AP5Z1: variants seen among roughly 807,000 people sequenced by gnomAD.
AP5Z1 encodes adaptor related protein complex 5 subunit zeta 1.
A neutral mutation model predicts 83.0 loss-of-function variants in AP5Z1; 106 were observed. The observed-to-expected ratio is 1.28, with a 90% CI of 1.09 to 1.50. The LOEUF (loss-of-function observed/expected upper bound fraction) is 1.50. Among genes scored for constraint, AP5Z1 ranks in the 40% most tolerant of loss-of-function variants. The pLI, the probability that AP5Z1 is intolerant of heterozygous loss-of-function variation, is 0.00. For missense variants in AP5Z1, 1,565 were observed against 1,094.2 expected, an observed-to-expected ratio of 1.43 and a Z score of -6.07; for synonymous variants, 751 against 514.1, an observed-to-expected ratio of 1.46 and a Z score of -6.23.
chr7:4,775,639 T>G lies in AP5Z1; in HGVS notation c.-77T>G. On this transcript the variant is annotated 5_prime_UTR_variant, in exon 1 of 17. Coordinates refer to ENST00000649063, the MANE Select transcript of AP5Z1 (RefSeq NM_014855.3). Reference sequence around the variant, plus strand: ...CGCTCACGTGACGCGGTCCCGGAAGTTGACCGGGGTGCGGAGCTCCTGGGC... The same window carrying G: ...CGCTCACGTGACGCGGTCCCGGAAGGTGACCGGGGTGCGGAGCTCCTGGGC... 6.3e-7 allele frequency: 1 copy of G among 1,586,470 alleles called. No homozygotes were observed. Among genetic ancestry groups the G allele is most frequent in the Non-Finnish European group, 8.5e-7 (1 of 1,169,736 alleles).
chr7:4,779,186 A>G (rs1413412103), intron 1 of AP5Z1, among the ~76,000 whole-genome samples: 2 of 147,048 alleles, frequency 1.4e-5, no homozygotes, highest in African/African-American at 2.5e-5. Context: ...CATAACATAT[A>G]TAACAACATA....
intron 3 of AP5Z1, among the ~76,000 whole-genome samples, chr7:4,782,053 TTTTTG>T (rs1159989196): frequency 2.0e-5 from 3 of 151,564 alleles, no homozygotes; most frequent in Non-Finnish European, 4.4e-5. Flanking sequence ...CTTTTTGGGG[TTTTTG>T]TTTTGTTTTT....
rs948429279 is a variant in AP5Z1, at chr7:4,792,397, CCATAGCT to C, written c.*1014_*1020del. ...CGGCCTCGGCCCCGCCCCCAATCCCCCATAGCTCTGCGACTAAGAAACCACAGGCTGA... is the reference window on the plus strand; with the variant it reads ...CGGCCTCGGCCCCGCCCCCAATCCCCCTGCGACTAAGAAACCACAGGCTGA... On this transcript the variant is annotated 3_prime_UTR_variant, in exon 17 of 17. Coordinates refer to ENST00000649063, the MANE Select transcript of AP5Z1 (RefSeq NM_014855.3). 6 of 152,074 alleles carry C rather than the reference CCATAGCT, an allele frequency of 3.9e-5. No individual in the cohort carries two copies. Among genetic ancestry groups the C allele is most frequent in the African/African-American group, 1.5e-4 (6 of 41,368 alleles). The allele number at this position is 152,074 out of a possible 1,614,324, so 9.4% of individuals were successfully genotyped here. A position where few individuals can be genotyped will look rare whatever the true frequency, so the allele number is the denominator to read the frequency against.
chr7:4,780,964 T>C (rs1781364806), intron 1 of AP5Z1, among the ~76,000 whole-genome samples: 1 of 152,160 alleles, frequency 6.6e-6, no homozygotes, highest in Non-Finnish European at 1.5e-5. Context: ...CATAGTGCGC[T>C]GCAGCGATGG....
At chr7:4,777,726 C>T (rs905532544) in intron 1 of AP5Z1, among the ~76,000 whole-genome samples, 1 of 152,192 alleles carries the variant, frequency 6.6e-6, no homozygotes, top group African/African-American at 2.4e-5. Flanking sequence ...CTCTGCCTCC[C>T]TGGCTCGGGT....
chr7:4,789,984 T>TCCCCCCCTCCCCCCCCCCCCCCCC, intron 14 of AP5Z1, 55 bp downstream of exon 14: 1 of 1,133,806 alleles, frequency 8.8e-7, no homozygotes, highest in Non-Finnish European at 1.2e-6. Flanking sequence ...CCTGGACTCC[T>TCCCCCCCTCCCCCCCCCCCCCCCC]CCCCCTCTCC....
rs148187551 is a variant in AP5Z1 at position 4,791,045 on chromosome 7, G to C, written c.2154-70G>C. ...CACTCTGCTGGGCGCTTCAGGCCTG[G>C]CCCCTCCACACAGACCCCTGTCCTG... is the stretch of plus-strand genomic sequence containing the variant. On this transcript the variant is annotated intron_variant, in intron 16 of 16. Coordinates refer to ENST00000649063, the MANE Select transcript of AP5Z1 (RefSeq NM_014855.3). 2.2e-4 allele frequency: 334 copies of C among 1,487,860 alleles called. No homozygotes were observed. The African/African-American group carries it at 3.9e-3, about 17-fold the overall frequency. 92.2% of individuals were successfully genotyped at this position (1,487,860 alleles called of 1,614,324 possible).
chr7:4,789,781 G>A (rs1294780543), intron 13 of AP5Z1, 51 bp from the exon 14 acceptor site: 1 of 1,467,436 alleles, frequency 6.8e-7, no homozygotes, highest in Non-Finnish European at 9.3e-7. Context: ...CCCAACCTTA[G>A]GGCCTGCAGT....
chr7:4,789,639 C>G (rs1266926368), intron 13 of AP5Z1, among the ~76,000 whole-genome samples, 193 bp from the exon 14 acceptor site: 1 of 152,226 alleles, frequency 6.6e-6, no homozygotes, highest in African/African-American at 2.4e-5. Context: ...GGCACTTGGG[C>G]CAGCCCAGGG....
rs77086996 is a variant in AP5Z1 at position 4,783,256 on chromosome 7, T to C, written c.367-60T>C. ...AGGAGTGTCACACAGACTTCCGAAA[T>C]GGGGGAGCTGGTCTCTGGCACAGGC... On this transcript the variant is annotated intron_variant, in intron 3 of 16. Coordinates refer to ENST00000649063, the MANE Select transcript of AP5Z1 (RefSeq NM_014855.3). 80,968 of 1,501,960 alleles carry C rather than the reference T, an allele frequency of 0.054. 2,563 individuals carry two copies. Among genetic ancestry groups the C allele is most frequent in the African/African-American group, 0.11 (7,983 of 71,806 alleles). The allele number at this position is 1,501,960 out of a possible 1,614,324, so 93.0% of individuals were successfully genotyped here.
In AP5Z1 at chr7:4,791,355, G is replaced by GAGGCCTCACTCCTCGTA; in HGVS notation, c.2394_2395insAGGCCTCACTCCTCGTA (p.Glu799ArgfsTer6). ...CCCTGCGCACGGTCAGCCGGCTGGT[G>GAGGCCTCACTCCTCGTA]GAGAGGGAGGCCGGCCTCATGCCAG... On this transcript the variant is annotated frameshift_variant, in exon 17 of 17. Transcript: ENST00000649063. LOFTEE classifies it high-confidence loss of function. The GAGGCCTCACTCCTCGTA allele has an allele frequency of 6.2e-7, 1 of 1,608,434 alleles. No homozygotes were observed. Among genetic ancestry groups the GAGGCCTCACTCCTCGTA allele is most frequent in the Non-Finnish European group, 8.5e-7 (1 of 1,177,990 alleles).
At chr7:4,790,183 G>A (rs377188085) in intron 14 of AP5Z1, 368 of 1,538,788 alleles carry the variant, frequency 2.4e-4, no homozygotes, top group Admixed American at 3.1e-4. Context: ...CCTCTTCCCC[G>A]TCTTGTCCCC....
chr7:4,786,228 C>T (rs1347389878), intron 9 of AP5Z1, 22 bp from the exon 10 acceptor site: 2 of 1,579,170 alleles, frequency 1.3e-6, no homozygotes, highest in East Asian at 4.5e-5. Context: ...GACGTGTGCC[C>T]TGGCGGGCCC....
In AP5Z1 at chr7:4,783,755, T is replaced by A; in HGVS notation, c.578T>A (p.Leu193His). Residue 193 changes from leucine to histidine, a missense_variant, in exon 5 of 17, where the codon CTC becomes CAC. By Grantham distance (99) the Leu-to-His change is moderately conservative (BLOSUM62 -3). Transcript: ENST00000649063. ...CGCTACGCCAGCCTCCAGCAAGGGC[T>A]CCCACACTCCGGCGGCTTCTTCTCC... ...WLRYASLQQG[L>H]PHSGGFFSTP... is the part of the protein sequence containing the mutation. 6.4e-7 allele frequency: 1 copy of A among 1,550,740 alleles called. No individual in the cohort carries two copies. Among genetic ancestry groups the A allele is most frequent in the South Asian group, 1.2e-5 (1 of 84,084 alleles).
Position 4,784,951 on chromosome 7 carries a change from C to A in AP5Z1, c.834C>A (p.Ser278=), listed in dbSNP as rs113192428. 6.2e-7 allele frequency: 1 copy of A among 1,611,834 alleles called. No individual in the cohort carries two copies. The highest frequency in any genetic ancestry group is 1.3e-5 in the African/African-American group (1 of 74,924). The part of the protein sequence containing the change: ...EQEGSTLSVI[S]ATSSAGRLLP... Reference sequence around the variant, plus strand: ...AGGGCTCCACTCTGTCGGTGATCTCCGCCACCTCCTCTGCCGGCCGCCTGC... The same window carrying A: ...AGGGCTCCACTCTGTCGGTGATCTCAGCCACCTCCTCTGCCGGCCGCCTGC... Residue 278 remains serine, a synonymous_variant, in exon 7 of 17, where the codon TCC becomes TCA. Transcript: ENST00000649063.
At chr7:4,776,382 G>A (rs183104730) in intron 1 of AP5Z1, among the ~76,000 whole-genome samples, 71 of 152,116 alleles carry the variant, frequency 4.7e-4, no homozygotes, top group African/African-American at 1.7e-3. Flanking sequence ...CAGACTCACG[G>A]TCCACCAAAC....
In AP5Z1 at chr7:4,784,915, G is replaced by A; in HGVS notation, c.798G>A (p.Arg266=). The change falls in exon 7 of 17, where the codon AGG becomes AGA. Residue 266 remains arginine, a synonymous_variant. Coordinates refer to ENST00000649063, the MANE Select transcript of AP5Z1 (RefSeq NM_014855.3). ...AGTTCCCACCTCCCGCAGATGACAG[G>A]TCAGAGCAGGAGGGCTCCACTCTGT... ...EGPGTLDTDD[R]SEQEGSTLSV... 1 of 1,610,850 alleles carries A rather than the reference G, an allele frequency of 6.2e-7. No homozygotes were observed.
chr7:4,784,420 A>G (rs746667805), intron 6 of AP5Z1, 49 bp downstream of exon 6: 2 of 1,541,300 alleles, frequency 1.3e-6, no homozygotes, highest in South Asian at 2.4e-5. Context: ...AGGTGGGCGC[A>G]CTATGGGTTG....
intron 1 of AP5Z1, among the ~76,000 whole-genome samples, chr7:4,778,406 C>T (rs957502436): frequency 2.7e-4 from 41 of 152,132 alleles, no homozygotes; most frequent in African/African-American, 9.2e-4. Context: ...TCGGGGATTT[C>T]CAGGAGGAAG....
Sources: allele counts gnomAD v4.1 joint callset (sites outside exome capture counted in the v4.1 genomes callset), GRCh38; gene constraint gnomAD v4.1.1; transcripts MANE v1.5; gene names NCBI Gene and HGNC (gene_info 2026-07-23, HGNC 2026-07-21).